Variants in CNTNAP4 observed in about 807,000 individuals in gnomAD.
CNTNAP4 encodes the protein contactin-associated protein-like 4.
In CNTNAP4, 98 loss-of-function variants were observed where a neutral mutation model predicts 148.4. The observed-to-expected ratio is 0.66, with a 90% CI of 0.56 to 0.78. The LOEUF (loss-of-function observed/expected upper bound fraction) is 0.78. Ranked by LOEUF, CNTNAP4 falls within the 30% of genes least tolerant of loss-of-function variation. CNTNAP4 has a pLI of 0.00. For missense variants in CNTNAP4, 1,935 were observed against 1,565.6 expected (o/e 1.24, Z -3.98); for synonymous variants, 730 against 565.1 (o/e 1.29, Z -4.14).
intron 17 of CNTNAP4, among the ~76,000 whole-genome samples, chr16:76,530,207 T>C (rs1045714198): frequency 1.3e-5 from 2 of 152,144 alleles, no homozygotes; most frequent in African/African-American, 2.4e-5. Flanking sequence ...ATATTCCAGA[T>C]TTTTATTTTT....
chr16:76,355,872 ATTTATTTATTTATTTATTTT>A (rs1023135731), intron 3 of CNTNAP4, among the ~76,000 whole-genome samples: 6 of 149,520 alleles, frequency 4.0e-5, no homozygotes, highest in African/African-American at 1.5e-4. Flanking sequence ...TTATTTATTT[ATTTATTTATTTATTTATTTT>A]TGAAACAGAG....
At chr16:76,352,808 A>G (rs1011281211) in intron 2 of CNTNAP4, among the ~76,000 whole-genome samples, 4 of 151,886 alleles carry the variant, frequency 2.6e-5, no homozygotes, top group African/African-American at 9.7e-5. Flanking sequence ...GAGTTCAAGA[A>G]CTCCCCGAGC....
At chr16:76,350,054 AT>A (rs1965242604) in intron 2 of CNTNAP4, among the ~76,000 whole-genome samples, 1 of 152,082 alleles carries the variant, frequency 6.6e-6, no homozygotes, top group African/African-American at 2.4e-5. Context: ...TATTGGTGAT[AT>A]TTAGTAGATG....
rs187278825 is a variant in CNTNAP4 at position 76,391,859 on chromosome 16, C to T, written c.391-35593C>T. ...TTGAGTCAGAATCTGCATTTTAATA[C>T]GATCCCTGGGTAATTCACGTGCACA... On this transcript the variant is annotated intron_variant, in intron 3 of 23. Coordinates refer to ENST00000611870, the MANE Select transcript of CNTNAP4 (RefSeq NM_033401.5). Among the ~76,000 whole-genome samples the T allele has an allele frequency of 2.9e-3, 448 of 152,308 alleles. 3 individuals are homozygous for T. Among genetic ancestry groups the T allele is most frequent in the African/African-American group, 0.01 (417 of 41,564 alleles).
chr16:76,466,923 A>G (rs1369717333), intron 9 of CNTNAP4, among the ~76,000 whole-genome samples: 2 of 152,110 alleles, frequency 1.3e-5, no homozygotes, highest in African/African-American at 4.8e-5. Flanking sequence ...TATAAATACA[A>G]AGATATTTCA....
rs181306099 is a variant in CNTNAP4 at position 76,436,085 on chromosome 16, C to T, written c.538+8486C>T. On this transcript the variant is annotated intron_variant, in intron 4 of 23. Transcript: ENST00000611870. ...AGTCTAGTTATAGGTATAGAACAAA[C>T]AGGGGTGTTGGGGTTGGTTCCTCAG... Among the ~76,000 whole-genome samples the T allele has an allele frequency of 2.4e-3, 362 of 152,148 alleles. 2 individuals are homozygous for T. The highest frequency in any genetic ancestry group is 4.0e-3 in the Non-Finnish European group (270 of 68,010).
At chr16:76,367,061 T>A (rs1215053867) in intron 3 of CNTNAP4, among the ~76,000 whole-genome samples, 2 of 151,696 alleles carry the variant, frequency 1.3e-5, no homozygotes, top group Non-Finnish European at 2.9e-5. Flanking sequence ...TAATATATAT[T>A]AATTAAAACT....
intron 3 of CNTNAP4, among the ~76,000 whole-genome samples, chr16:76,390,207 A>G (rs529904952): frequency 6.6e-6 from 1 of 152,148 alleles, no homozygotes; most frequent in Admixed American, 6.5e-5. Context: ...TGGATGCTGG[A>G]CTTCAGCAAG....
intron 13 of CNTNAP4, among the ~76,000 whole-genome samples, chr16:76,492,395 C>T (rs534165574): frequency 6.6e-6 from 1 of 152,236 alleles, no homozygotes; most frequent in Non-Finnish European, 1.5e-5. Context: ...GTCAATTTTA[C>T]TGCGAAGCTG....
intron 15 of CNTNAP4, among the ~76,000 whole-genome samples, chr16:76,517,622 A>T (rs376324232): frequency 6.6e-6 from 1 of 152,204 alleles, no homozygotes; most frequent in East Asian, 1.9e-4. Flanking sequence ...TACCTTGAAA[A>T]ACAATGTGTT....
At chr16:76,526,534 T>C (rs1381152224) in intron 17 of CNTNAP4, among the ~76,000 whole-genome samples, 1 of 152,124 alleles carries the variant, frequency 6.6e-6, no homozygotes, top group Non-Finnish European at 1.5e-5. Flanking sequence ...AGTAGACATG[T>C]TGAAATTTAG....
chr16:76,331,159 T>C (rs942897458), intron 2 of CNTNAP4, among the ~76,000 whole-genome samples: 1 of 151,936 alleles, frequency 6.6e-6, no homozygotes, highest in Non-Finnish European at 1.5e-5. Flanking sequence ...TTTGATTCCA[T>C]TCTCATTCTT....
At chr16:76,300,296 C>A (rs923040777) in intron 1 of CNTNAP4, among the ~76,000 whole-genome samples, 1 of 152,080 alleles carries the variant, frequency 6.6e-6, no homozygotes, top group Non-Finnish European at 1.5e-5. Flanking sequence ...GTCCACATAG[C>A]ACAATGTCCT....
chr16:76,543,888 A>T (rs963918543), intron 21 of CNTNAP4, among the ~76,000 whole-genome samples: 4 of 152,114 alleles, frequency 2.6e-5, no homozygotes, highest in Non-Finnish European at 5.9e-5. Flanking sequence ...CGCACTTATC[A>T]AATATGTTTT....
At chr16:76,470,447 C>T (rs1387369663) in intron 10 of CNTNAP4, among the ~76,000 whole-genome samples, 2 of 139,968 alleles carry the variant, frequency 1.4e-5, no homozygotes. Flanking sequence ...TCAAGACCAG[C>T]CTGGCTAACA....
chr16:76,320,116 G>T (rs542618331), intron 2 of CNTNAP4, among the ~76,000 whole-genome samples: 1 of 152,284 alleles, frequency 6.6e-6, no homozygotes, highest in Non-Finnish European at 1.5e-5. Context: ...GGTTTAAAGT[G>T]TATCTGGCAA....
intron 2 of CNTNAP4, among the ~76,000 whole-genome samples, chr16:76,337,814 C>A (rs1372468638): frequency 2.0e-5 from 3 of 152,130 alleles, no homozygotes; most frequent in Non-Finnish European, 2.9e-5. Flanking sequence ...AGGGTTCTTC[C>A]TTGCTGGGAA....
At chr16:76,461,877 T>C in intron 8 of CNTNAP4, 79 bp from the exon 9 acceptor site, 4 of 1,163,064 alleles carry the variant, frequency 3.4e-6, no homozygotes, top group Non-Finnish European at 5.1e-6. Flanking sequence ...AATTGAGTGA[T>C]GTGTATATTG....
chr16:76,439,881 G>A (rs1396876900), intron 4 of CNTNAP4, among the ~76,000 whole-genome samples: 1 of 152,070 alleles, frequency 6.6e-6, no homozygotes, highest in Non-Finnish European at 1.5e-5. Context: ...GATTTCTTGA[G>A]TACTTGGTCT....
Sources: allele counts gnomAD v4.1 joint callset (sites outside exome capture counted in the v4.1 genomes callset), GRCh38; gene constraint gnomAD v4.1.1; transcripts MANE v1.5; gene names NCBI Gene and HGNC (gene_info 2026-07-23, HGNC 2026-07-21).